LRRK1: variants seen among roughly 807,000 people sequenced by gnomAD.
LRRK1 encodes the protein leucine rich repeat kinase 1.
LRRK1 carries 113 observed loss-of-function variants against 209.1 expected under a neutral mutation model. That is an observed-to-expected ratio of 0.54 (90% CI 0.46 to 0.63). The LOEUF is 0.63. LRRK1 is among the 30% of genes least tolerant of loss of function. The pLI is 0.00. For missense variants in LRRK1, 2,284 were observed against 2,632.2 expected (o/e 0.87, Z 2.89); for synonymous variants, 1,144 against 1,099.7 (o/e 1.04, Z -0.80).
At chr15:100,965,012 A>G (rs1287178114) in intron 2 of LRRK1, among the ~76,000 whole-genome samples, 1 of 152,210 alleles carries the variant, frequency 6.6e-6, no homozygotes, top group Non-Finnish European at 1.5e-5. Context: ...ACATAAGGAC[A>G]GACAGAACCA....
Position 101,022,606 on chromosome 15 carries a change from T to C in LRRK1, c.2067+9T>C. On this transcript the variant is annotated intron_variant, in intron 15 of 33. Transcript: ENST00000388948. The surrounding 1 kb of genome is among the most constrained non-coding windows in gnomAD (Gnocchi z 4.0). ...CTGGCTCGAGAGCCAAGGTCAAGGA[T>C]GGTCTGCGTGCAGAGTCCCTGTGGG... 1 of 1,586,788 alleles carries C rather than the reference T, an allele frequency of 6.3e-7. No homozygotes were observed.
chr15:100,995,894 G>A (rs1417260841), intron 6 of LRRK1, among the ~76,000 whole-genome samples: 1 of 152,236 alleles, frequency 6.6e-6, no homozygotes. Flanking sequence ...TAAAGAGAGA[G>A]GGACATCTAT....
At chr15:100,966,623 A>G (rs2030477913) in intron 2 of LRRK1, among the ~76,000 whole-genome samples, 1 of 152,242 alleles carries the variant, frequency 6.6e-6, no homozygotes, top group African/African-American at 2.4e-5. Flanking sequence ...AATTAAATGC[A>G]TACGCATTAA....
At position 101,037,615 on chromosome 15, in the gene LRRK1, G is replaced by A. The variant is rs2034544096; in HGVS notation, c.2964-8366G>A. Among the ~76,000 whole-genome samples the A allele has an allele frequency of 2.0e-5, 3 of 152,218 alleles. No individual in the cohort carries two copies. In the South Asian group the frequency reaches 6.2e-4, roughly 32 times the overall value. Reference sequence around the variant, plus strand: ...CACTGGGGAGGGTGGGCCACCTTCAGTGGCAACAGATTAGGCTGGTGGGTG... The same window carrying A: ...CACTGGGGAGGGTGGGCCACCTTCAATGGCAACAGATTAGGCTGGTGGGTG... On this transcript the variant is annotated intron_variant, in intron 20 of 33. Coordinates refer to ENST00000388948, the MANE Select transcript of LRRK1 (RefSeq NM_024652.6).
intron 9 of LRRK1, 73 bp downstream of exon 9, chr15:101,010,910 G>A: frequency 1.4e-6 from 2 of 1,388,274 alleles, no homozygotes; most frequent in Admixed American, 2.1e-5. Flanking sequence ...GAGCCCTCAG[G>A]TGCATTATGT....
chr15:100,977,993 T>G (rs1364712597), intron 3 of LRRK1, among the ~76,000 whole-genome samples: 2 of 151,738 alleles, frequency 1.3e-5, no homozygotes, highest in Admixed American at 6.6e-5. Context: ...TTGAAACAAA[T>G]GGAGTAATAG....
intron 2 of LRRK1, among the ~76,000 whole-genome samples, chr15:100,962,086 C>T (rs755718543): frequency 3.9e-5 from 6 of 152,116 alleles, no homozygotes; most frequent in Admixed American, 2.0e-4. Flanking sequence ...ATAGATAATA[C>T]CACTGAAGAA....
chr15:100,995,149 A>G (rs1373706068), intron 6 of LRRK1, among the ~76,000 whole-genome samples: 1 of 152,034 alleles, frequency 6.6e-6, no homozygotes, highest in East Asian at 1.9e-4. Context: ...CCACGCGATG[A>G]TGTCTTAGGG....
At position 101,022,246 on chromosome 15, in the gene LRRK1, C is replaced by T; in HGVS notation, c.1853-137C>T. On this transcript the variant is annotated intron_variant, in intron 14 of 33. Transcript: ENST00000388948. The surrounding 1 kb of genome is among the most constrained non-coding windows in gnomAD (Gnocchi z 4.0). ...GGGTGGTTAGTGTCATGCCTTCCCTCCCCCTGATCCAGTAGTCTTCCTTAA... is the reference window on the plus strand; with the variant it reads ...GGGTGGTTAGTGTCATGCCTTCCCTTCCCCTGATCCAGTAGTCTTCCTTAA... 1 of 856,436 alleles carries T rather than the reference C, an allele frequency of 1.2e-6. No individual in the cohort carries two copies. The highest frequency in any genetic ancestry group is 1.6e-5 in the South Asian group (1 of 61,306). 53.1% of individuals were successfully genotyped at this position (856,436 alleles called of 1,614,324 possible).
At chr15:100,950,819 G>A (rs889077428) in intron 2 of LRRK1, among the ~76,000 whole-genome samples, 2 of 152,190 alleles carry the variant, frequency 1.3e-5, no homozygotes, top group Non-Finnish European at 2.9e-5. Context: ...TTAAAAAAGA[G>A]CAGGCCGGGC....
intron 2 of LRRK1, among the ~76,000 whole-genome samples, chr15:100,961,802 C>A (rs1474282453): frequency 6.6e-6 from 1 of 152,104 alleles, no homozygotes; most frequent in Non-Finnish European, 1.5e-5. Flanking sequence ...CACTGGTCAC[C>A]TTGTGGTGAG....
chr15:100,960,902 A>G (rs2029896510), intron 2 of LRRK1, among the ~76,000 whole-genome samples: 1 of 152,152 alleles, frequency 6.6e-6, no homozygotes, highest in Non-Finnish European at 1.5e-5. Context: ...CGTTTTTTCC[A>G]TCTAATGAGA....
chr15:100,996,299 A>C (rs1158797127), intron 6 of LRRK1, among the ~76,000 whole-genome samples: 1 of 152,188 alleles, frequency 6.6e-6, no homozygotes, highest in East Asian at 1.9e-4. Flanking sequence ...GTAGGAGCCA[A>C]CGTGGGCACT....
intron 6 of LRRK1, among the ~76,000 whole-genome samples, chr15:100,991,368 T>A (rs1364081393): frequency 6.6e-6 from 1 of 152,254 alleles, no homozygotes; most frequent in Non-Finnish European, 1.5e-5. Context: ...ACTCTATTTG[T>A]GTAGCTTTTA....
At chr15:101,020,369 C>CTTTTTTTT (rs1258764876) in intron 12 of LRRK1, among the ~76,000 whole-genome samples, 2 of 98,466 alleles carry the variant, frequency 2.0e-5, no homozygotes, top group Non-Finnish European at 3.9e-5. Context: ...CGGTTCTGAA[C>CTTTTTTTT]TTTTTTTTTT....
intron 15 of LRRK1, among the ~76,000 whole-genome samples, chr15:101,023,608 T>TG (rs1395127126): frequency 6.6e-6 from 1 of 152,214 alleles, no homozygotes; most frequent in Non-Finnish European, 1.5e-5. Context: ...TGCTTCACTG[T>TG]GGAAAACTGA....
intron 3 of LRRK1, among the ~76,000 whole-genome samples, chr15:100,982,686 A>G (rs1446015847): frequency 1.3e-5 from 2 of 152,182 alleles, no homozygotes; most frequent in African/African-American, 4.8e-5. Flanking sequence ...CTGGTGTGTC[A>G]CATTCCATTT....
intron 2 of LRRK1, among the ~76,000 whole-genome samples, chr15:100,956,455 C>CTTTTTCTTTTTTTTTTTTTTTTTTTTT: frequency 1.2e-4 from 7 of 60,530 alleles, no homozygotes; most frequent in African/African-American, 3.4e-4. Flanking sequence ...TTTTTTTTTT[C>CTTTTTCTTTTTTTTTTTTTTTTTTTTT]TTTTTTTTTT....
chr15:101,014,630 G>T (rs2033442096), intron 11 of LRRK1, among the ~76,000 whole-genome samples: 1 of 152,192 alleles, frequency 6.6e-6, no homozygotes, highest in Non-Finnish European at 1.5e-5. Context: ...GGTTTCTCCT[G>T]AGGCCCCTCT....
Sources: allele counts gnomAD v4.1 joint callset (sites outside exome capture counted in the v4.1 genomes callset), GRCh38; gene constraint gnomAD v4.1.1; non-coding constraint Gnocchi (gnomAD v3.1); transcripts MANE v1.5; gene names NCBI Gene and HGNC (gene_info 2026-07-23, HGNC 2026-07-21).